SATB1: variants seen among roughly 807,000 people sequenced by gnomAD.
The protein encoded by SATB1 is DNA-binding protein SATB1.
SATB1 carries 11 observed loss-of-function variants against 86.9 expected under a neutral mutation model. The observed-to-expected ratio is 0.13, with a 90% CI of 0.08 to 0.21. The LOEUF is 0.21. SATB1 is among the 10% of genes least tolerant of loss of function. The pLI is 1.00. For synonymous variants in SATB1, 357 were observed against 357.2 expected (o/e 1.00, Z 0.01); for missense variants, 551 against 937.6 (o/e 0.59, Z 5.39).
At chr3:18,429,485 T>A (rs992386801), upstream of SATB1, among the ~76,000 whole-genome samples, 1 of 152,216 alleles carries the variant, frequency 6.6e-6, no homozygotes, top group Admixed American at 6.5e-5. The surrounding 1 kb of genome is among the most constrained non-coding windows in gnomAD (Gnocchi z 4.1). Context: ...GCAGTATTTG[T>A]ATGCACAGAG....
At position 18,349,034 on chromosome 3, in the gene SATB1, T is replaced by A. The variant is rs1276979704; in HGVS notation, c.*136A>T. 11 of 1,419,044 alleles carry A rather than the reference T, an allele frequency of 7.8e-6. No homozygotes were observed. In the East Asian group the frequency reaches 2.2e-4, roughly 28 times the overall value. 87.9% of individuals were successfully genotyped at this position (1,419,044 alleles called of 1,614,324 possible). On this transcript the variant is annotated 3_prime_UTR_variant, in exon 11 of 11. Transcript: ENST00000338745. The surrounding 1 kb of genome is among the most constrained non-coding windows in gnomAD (Gnocchi z 5.5). ...AGTCTGTATTATCCTTTTCCAACTT[T>A]TCTGTTTGTGCAAGTTTTTGAAGAT...
At chr3:18,389,234 A>G (rs941540483) in intron 7 of SATB1, among the ~76,000 whole-genome samples, 7 of 148,854 alleles carry the variant, frequency 4.7e-5, no homozygotes, top group African/African-American at 1.7e-4. Flanking sequence ...CAGTGTAGAC[A>G]GTCTCAGGTG....
At chr3:18,370,933 G>A (rs755874933) in intron 9 of SATB1, among the ~76,000 whole-genome samples, 1 of 152,186 alleles carries the variant, frequency 6.6e-6, no homozygotes, top group African/African-American at 2.4e-5. Flanking sequence ...TTAGAACCAC[G>A]CTAATTATCA....
chr3:18,437,891 T>C (rs1287396091), intron 1 of SATB1, among the ~76,000 whole-genome samples: 3 of 152,148 alleles, frequency 2.0e-5, no homozygotes, highest in African/African-American at 2.4e-5. Context: ...CATTCATTGA[T>C]AAAATATTTT....
intron 9 of SATB1, among the ~76,000 whole-genome samples, chr3:18,368,934 G>A (rs1056576583): frequency 2.0e-5 from 3 of 151,996 alleles, no homozygotes; most frequent in Admixed American, 6.6e-5. Context: ...GGATTCTTCC[G>A]AGACTGGTGA....
chr3:18,349,747 A>T lies in SATB1; in HGVS notation c.1780-65T>A. On this transcript the variant is annotated intron_variant, in intron 10 of 10. Coordinates refer to ENST00000338745, the MANE Select transcript of SATB1 (RefSeq NM_002971.6). The surrounding 1 kb of genome is among the most constrained non-coding windows in gnomAD (Gnocchi z 5.5). The stretch of plus-strand genomic sequence containing the variant: ...TGGAGTTCCACACAAAGCCGTCTCC[A>T]ATCAGGAAAAATGTGGTCCCGGATC... The T allele has an allele frequency of 2.0e-6, 3 of 1,516,298 alleles. No homozygotes were observed. Among genetic ancestry groups the T allele is most frequent in the Non-Finnish European group, 2.6e-6 (3 of 1,133,338 alleles). 93.9% of individuals were successfully genotyped at this position (1,516,298 alleles called of 1,614,324 possible). A position where few individuals can be genotyped will look rare whatever the true frequency, so the allele number is the denominator to read the frequency against.
intron 5 of SATB1, among the ~76,000 whole-genome samples, chr3:18,414,222 G>A (rs1029364174): frequency 2.0e-5 from 3 of 152,008 alleles, no homozygotes; most frequent in South Asian, 2.1e-4. Context: ...GCCTTAAAAC[G>A]GGTTTGGGTA....
chr3:18,423,403 G>A (rs1559459010), intron 1 of SATB1, among the ~76,000 whole-genome samples: 3 of 152,160 alleles, frequency 2.0e-5, no homozygotes, highest in East Asian at 1.9e-4. Flanking sequence ...TTTGCAAAGC[G>A]AGATCCTTTT....
intron 7 of SATB1, among the ~76,000 whole-genome samples, chr3:18,389,825 T>A (rs1387701039): frequency 6.6e-6 from 1 of 152,110 alleles, no homozygotes; most frequent in Non-Finnish European, 1.5e-5. Context: ...ATGTAGGAAG[T>A]TACCAGTACC....
At position 18,394,345 on chromosome 3, in the gene SATB1, A is replaced by T. The variant is rs899571942; in HGVS notation, c.1206+117T>A. 3 of 855,370 alleles carry T rather than the reference A, an allele frequency of 3.5e-6. No homozygotes were observed. Among genetic ancestry groups the T allele is most frequent in the Non-Finnish European group, 5.6e-6 (3 of 537,452 alleles). 53.0% of individuals were successfully genotyped at this position (855,370 alleles called of 1,614,324 possible). On this transcript the variant is annotated intron_variant, in intron 7 of 10. Coordinates refer to ENST00000338745, the MANE Select transcript of SATB1 (RefSeq NM_002971.6). This position sits in a 1 kb window ranked among gnomAD's most constrained non-coding sequence, Gnocchi z 5.9. ...CACCAGGAATAGGTAATATGATCAC[A>T]TGAAGAGAGAGAGAAAATGTTAGTA...
intron 9 of SATB1, among the ~76,000 whole-genome samples, chr3:18,369,870 CA>C (rs1207100790): frequency 6.6e-6 from 1 of 152,154 alleles, no homozygotes; most frequent in Non-Finnish European, 1.5e-5. Context: ...GTAATTATGA[CA>C]GATCTGATTA....
At chr3:18,436,177 T>C (rs1699054141) in intron 2 of SATB1, among the ~76,000 whole-genome samples, 2 of 152,184 alleles carry the variant, frequency 1.3e-5, no homozygotes, top group African/African-American at 4.8e-5. Context: ...TCAAACAATG[T>C]ATTTAAGCTG....
chr3:18,419,469 G>C (rs1241755703), intron 2 of SATB1, among the ~76,000 whole-genome samples: 1 of 152,174 alleles, frequency 6.6e-6, no homozygotes, highest in African/African-American at 2.4e-5. Context: ...GAAGTCTGTA[G>C]AATCCTTGTC....
chr3:18,444,527 A>T lies in SATB1; in HGVS notation c.-25+991T>A. 5.2e-6 allele frequency: 5 copies of T among 957,698 alleles called. No homozygotes were observed. 59.3% of individuals were successfully genotyped at this position (957,698 alleles called of 1,614,324 possible). A position where few individuals can be genotyped will look rare whatever the true frequency, so the allele number is the denominator to read the frequency against. On this transcript the variant is annotated intron_variant, in intron 1 of 3. Transcript: ENST00000415069. The surrounding 1 kb of genome is among the most constrained non-coding windows in gnomAD (Gnocchi z 5.1). The stretch of plus-strand genomic sequence containing the variant: ...GAGTGGGTGCTACGGAGAAGTTTGG[A>T]TTGATTCCGGAAAAAGAGGGACAGA...
upstream of SATB1, among the ~76,000 whole-genome samples, chr3:18,439,670 T>C (rs1397569200): frequency 6.6e-6 from 1 of 152,190 alleles, no homozygotes; most frequent in Non-Finnish European, 1.5e-5. Flanking sequence ...AAGACCATAT[T>C]CTACCCTGAT....
intron 8 of SATB1, among the ~76,000 whole-genome samples, chr3:18,385,746 G>T (rs1239100708): frequency 1.3e-5 from 2 of 152,092 alleles, no homozygotes; most frequent in African/African-American, 2.4e-5. Flanking sequence ...CAGTTATGAG[G>T]TTACTTTTAA....
chr3:18,441,420 G>A (rs986580835), upstream of SATB1, among the ~76,000 whole-genome samples: 1 of 152,096 alleles, frequency 6.6e-6, no homozygotes, highest in Non-Finnish European at 1.5e-5. Flanking sequence ...AGGGAAAAGA[G>A]ATTAAAAACA....
At chr3:18,360,104 AATAGAGAACCAGTGTCATC>A (rs1694835216) in intron 9 of SATB1, among the ~76,000 whole-genome samples, 2 of 152,154 alleles carry the variant, frequency 1.3e-5, no homozygotes, top group Non-Finnish European at 2.9e-5. Context: ...TTTCAAGAAG[AATAGAGAACCAGTGTCATC>A]ACACAGAGTT....
chr3:18,421,909 G>A (rs1324387908), intron 1 of SATB1, among the ~76,000 whole-genome samples: 1 of 148,240 alleles, frequency 6.7e-6, no homozygotes, highest in African/African-American at 2.5e-5. Context: ...CCAGTATTCA[G>A]AAATAACCTC....
Sources: gnomAD v4.1 joint callset for allele counts (sites outside exome capture counted in the v4.1 genomes callset) on GRCh38, gnomAD v4.1.1 for gene constraint, Gnocchi (gnomAD v3.1) non-coding constraint, MANE v1.5 for transcripts, NCBI Gene and HGNC (gene_info 2026-07-23, HGNC 2026-07-21) for gene names.